Variants in CARMIL1 observed in about 807,000 individuals in gnomAD.
CARMIL1 encodes capping protein regulator and myosin 1 linker 1, also known as F-actin-uncapping protein LRRC16A.
Under a neutral mutation model 177.1 loss-of-function variants are expected in CARMIL1, and 90 were observed. The observed-to-expected ratio is 0.51, with a 90% CI of 0.43 to 0.61. The LOEUF (loss-of-function observed/expected upper bound fraction) is 0.61. Ranked by LOEUF, CARMIL1 falls within the 20% of genes least tolerant of loss-of-function variation. CARMIL1 has a pLI of 0.00. For synonymous variants in CARMIL1, 577 were observed against 606.2 expected, an observed-to-expected ratio of 0.95 and a Z score of 0.71; for missense variants, 1,380 against 1,667.0, an observed-to-expected ratio of 0.83 and a Z score of 3.00.
At chr6:25,543,937 G>A (rs574620934) in intron 26 of CARMIL1, among the ~76,000 whole-genome samples, 71 of 152,192 alleles carry the variant, frequency 4.7e-4, no homozygotes, top group Middle Eastern at 6.8e-3. Context: ...GGTTTCCTAA[G>A]TACCATTAGT....
chr6:25,311,864 C>A (rs1461239421), intron 2 of CARMIL1, among the ~76,000 whole-genome samples: 1 of 152,170 alleles, frequency 6.6e-6, no homozygotes, highest in Non-Finnish European at 1.5e-5. Context: ...CACAATTCTC[C>A]CATCCCACTC....
At chr6:25,394,229 C>A (rs1581789701) in intron 2 of CARMIL1, among the ~76,000 whole-genome samples, 1 of 152,288 alleles carries the variant, frequency 6.6e-6, no homozygotes, top group Non-Finnish European at 1.5e-5. Flanking sequence ...TTTTGTTCAT[C>A]TTCTTGGCAG....
At chr6:25,550,851 T>C (rs754510414) in intron 26 of CARMIL1, 59 bp from the exon 27 acceptor site, 202 of 1,471,246 alleles carry the variant, frequency 1.4e-4, no homozygotes, top group Non-Finnish European at 1.9e-4. Context: ...TTCAGTTTTA[T>C]GGCGGGCACC....
intron 2 of CARMIL1, among the ~76,000 whole-genome samples, chr6:25,309,945 T>A (rs912099422): frequency 6.6e-6 from 1 of 151,974 alleles, no homozygotes; most frequent in Non-Finnish European, 1.5e-5. Context: ...AATTTTTGTA[T>A]TTTTAGTAGA....
chr6:25,287,014 T>C (rs970831871), intron 2 of CARMIL1, among the ~76,000 whole-genome samples: 13 of 152,240 alleles, frequency 8.5e-5, no homozygotes, highest in African/African-American at 2.4e-4. Flanking sequence ...GAACTCATTG[T>C]GGCTGTTACT....
At chr6:25,323,618 C>T (rs1439121713) in intron 2 of CARMIL1, among the ~76,000 whole-genome samples, 1 of 152,032 alleles carries the variant, frequency 6.6e-6, no homozygotes, top group African/African-American at 2.4e-5. Context: ...TTAAAGCTGT[C>T]CTTAAAGAAT....
intron 35 of CARMIL1, among the ~76,000 whole-genome samples, chr6:25,609,449 G>A (rs1318864644): frequency 5.7e-5 from 8 of 140,602 alleles, no homozygotes; most frequent in Admixed American, 2.2e-4. Context: ...CTGGGCAACA[G>A]AGCAAGACTC....
At chr6:25,286,749 A>G (rs1275857966) in intron 2 of CARMIL1, among the ~76,000 whole-genome samples, 2 of 152,194 alleles carry the variant, frequency 1.3e-5, no homozygotes, top group African/African-American at 4.8e-5. Flanking sequence ...TGATATGGAA[A>G]TTATTATTAT....
At chr6:25,426,628 C>A in intron 4 of CARMIL1, 68 bp downstream of exon 4, 2 of 1,426,568 alleles carry the variant, frequency 1.4e-6, no homozygotes, top group African/African-American at 2.8e-5. Flanking sequence ...CTAAAATGTT[C>A]CTTGAGACAA....
At chr6:25,498,757 A>C (rs2151016111) in intron 16 of CARMIL1, among the ~76,000 whole-genome samples, 3 of 152,324 alleles carry the variant, frequency 2.0e-5, no homozygotes, top group East Asian at 3.9e-4. Flanking sequence ...CTGGGCTGGG[A>C]TGTGAGAACT....
At chr6:25,378,197 C>T (rs928150978) in intron 2 of CARMIL1, among the ~76,000 whole-genome samples, 4 of 152,314 alleles carry the variant, frequency 2.6e-5, no homozygotes, top group African/African-American at 2.4e-5. Flanking sequence ...GCAAGCCCTA[C>T]GCAGCTTTCA....
intron 26 of CARMIL1, among the ~76,000 whole-genome samples, chr6:25,543,374 A>G (rs1371719153): frequency 6.6e-6 from 1 of 152,296 alleles, no homozygotes; most frequent in East Asian, 1.9e-4. Context: ...TGGAGGAGAG[A>G]AAAGCAGTAA....
At chr6:25,477,087 C>CA (rs1162798140) in intron 11 of CARMIL1, among the ~76,000 whole-genome samples, 1,875 of 46,844 alleles carry the variant, frequency 0.04, 23 homozygotes, top group African/African-American at 0.083. Flanking sequence ...AATTCCGTCT[C>CA]AAAAAAAAAA....
chr6:25,601,976 G>A (rs974844064), intron 33 of CARMIL1, among the ~76,000 whole-genome samples: 2 of 152,138 alleles, frequency 1.3e-5, no homozygotes, highest in African/African-American at 4.8e-5. Flanking sequence ...TTTATTTGAA[G>A]TATCACAATA....
intron 31 of CARMIL1, among the ~76,000 whole-genome samples, chr6:25,582,738 C>T (rs371484617): frequency 1.3e-5 from 2 of 152,276 alleles, no homozygotes; most frequent in South Asian, 2.1e-4. Flanking sequence ...ATCTCTACTA[C>T]GTCTCTGTAA....
At chr6:25,364,255 T>A (rs953624305) in intron 2 of CARMIL1, among the ~76,000 whole-genome samples, 1 of 152,184 alleles carries the variant, frequency 6.6e-6, no homozygotes, top group African/African-American at 2.4e-5. Context: ...TTTTTTAGAT[T>A]TCATAGGTTT....
chr6:25,595,332 G>A (rs1300403936), intron 32 of CARMIL1, among the ~76,000 whole-genome samples: 1 of 152,184 alleles, frequency 6.6e-6, no homozygotes, highest in Non-Finnish European at 1.5e-5. Context: ...CGGCAGGCTG[G>A]GCACAGGTAG....
At chr6:25,604,764 A>G (rs748708692) in intron 33 of CARMIL1, 48 bp from the exon 34 acceptor site, 1 of 1,406,960 alleles carries the variant, frequency 7.1e-7, no homozygotes, top group Non-Finnish European at 9.8e-7. Context: ...TCACTTTTGC[A>G]TTAAATAAAT....
chr6:25,419,846 C>T (rs953680817), intron 2 of CARMIL1, among the ~76,000 whole-genome samples: 1 of 152,072 alleles, frequency 6.6e-6, no homozygotes, highest in Non-Finnish European at 1.5e-5. Context: ...TCTGAATAAT[C>T]TGTTGGGTTT....
Sources: allele counts gnomAD v4.1 joint callset (sites outside exome capture counted in the v4.1 genomes callset), GRCh38; gene constraint gnomAD v4.1.1; transcripts MANE v1.5; gene names NCBI Gene and HGNC (gene_info 2026-07-23, HGNC 2026-07-21).